The following ZNF460 variants were observed in gnomAD, a reference collection of about 807,000 sequenced individuals.
The protein encoded by ZNF460 is zinc finger protein 460.
ZNF460 carries 1 observed loss-of-function variant against 8.4 expected under a neutral mutation model. The observed-to-expected ratio is 0.12, with a 90% CI of 0.04 to 0.56. ZNF460 has a LOEUF of 0.56. Ranked by LOEUF, ZNF460 falls within the 20% of genes least tolerant of loss-of-function variation. The probability of loss-of-function intolerance (pLI) is 0.91; values close to 1 mark genes in which losing one functional copy is unlikely to be tolerated. For synonymous variants in ZNF460, 262 were observed against 259.9 expected, an observed-to-expected ratio of 1.01 and a Z score of -0.08; for missense variants, 477 against 714.8, an observed-to-expected ratio of 0.67 and a Z score of 3.79.
upstream of ZNF460, chr19:57,280,011 C>T (rs1462245275): frequency 6.6e-6 from 1 of 152,298 alleles, no homozygotes; most frequent in Admixed American, 6.5e-5. Context: ...GGCACACTGT[C>T]AGGCGTCCTC....
intron 1 of ZNF460, among the ~76,000 whole-genome samples, chr19:57,281,189 C>G (rs2087836301): frequency 6.6e-6 from 1 of 152,224 alleles, no homozygotes; most frequent in Non-Finnish European, 1.5e-5. Context: ...GAGCCACCAA[C>G]CTGACCGTGC....
intron 1 of ZNF460, among the ~76,000 whole-genome samples, chr19:57,281,204 C>G (rs193299285): frequency 6.6e-6 from 1 of 152,266 alleles, no homozygotes; most frequent in African/African-American, 2.4e-5. Flanking sequence ...CCGTGCAGTC[C>G]TCTTCCATTT....
chr19:57,290,830 G>A lies in ZNF460; in HGVS notation c.289G>A (p.Asp97Asn). Residue 97 changes from aspartate (D) to asparagine (N), a missense_variant, in exon 3 of 3, where the codon GAT becomes AAT. Physicochemically the swap from Asp to Asn is conservative, Grantham distance 23. Transcript: ENST00000360338. ...CTATTTGGGGCAGGCCATGGATCAAGATGGGCCATCTGAAATGCAGGAATA... is the reference window on the plus strand; with the variant it reads ...CTATTTGGGGCAGGCCATGGATCAAAATGGGCCATCTGAAATGCAGGAATA... ...YSYLGQAMDQDGPSEMQEYFL... is the reference protein window; with the variant it reads ...YSYLGQAMDQNGPSEMQEYFL... 1 of 1,614,176 alleles carries A rather than the reference G, an allele frequency of 6.2e-7. No individual in the cohort carries two copies. The highest frequency in any genetic ancestry group is 8.5e-7 in the Non-Finnish European group (1 of 1,180,042).
Position 57,292,005 on chromosome 19 carries a change from G to A in ZNF460, c.1464G>A (p.Arg488=), listed in dbSNP as rs748435081. 4.3e-6 allele frequency: 7 copies of A among 1,614,148 alleles called. No homozygotes were observed. In the South Asian group the frequency reaches 7.7e-5, roughly 18 times the overall value. ...AGTGCGGGAAGGCCTTCAACCGCAG[G>A]TCACCCCTCACAAGGCACCAGCGGA... The part of the protein sequence containing the change: ...CVECGKAFNR[R]SPLTRHQRIH... The change falls in exon 3 of 3, where the codon AGG becomes AGA. Residue 488 remains arginine (R), a synonymous_variant. Transcript: ENST00000360338.
chr19:57,290,031 T>C (rs1304545428), intron 2 of ZNF460, among the ~76,000 whole-genome samples: 3 of 151,880 alleles, frequency 2.0e-5, no homozygotes, highest in Admixed American at 1.3e-4. Flanking sequence ...TCCCAGCCAC[T>C]TGGGAGGCTG....
rs146815063 is a variant in ZNF460 at position 57,291,475 on chromosome 19, G to A, written c.934G>A (p.Glu312Lys). 67 of 1,613,934 alleles carry A rather than the reference G, an allele frequency of 4.2e-5. No homozygotes were observed. The highest frequency in any genetic ancestry group is 6.7e-5 in the Admixed American group (4 of 59,978). ...HNEKKPFACS[E>K]CGKGFYESTA... ...TGAGAAGAAACCCTTCGCATGCAGC[G>A]AATGTGGAAAAGGCTTTTATGAGAG... Residue 312 changes from glutamate to lysine, a missense_variant, in exon 3 of 3, where the codon GAA becomes AAA. Transcript: ENST00000360338. This position sits in a 1 kb window ranked among gnomAD's most constrained non-coding sequence, Gnocchi z 8.4.
intron 1 of ZNF460, among the ~76,000 whole-genome samples, chr19:57,281,100 G>GC (rs1222453388): frequency 6.6e-6 from 1 of 152,112 alleles, no homozygotes; most frequent in Non-Finnish European, 1.5e-5. Flanking sequence ...TCTGTTGCCT[G>GC]CCAGCCCGTA....
intron 1 of ZNF460, 119 bp from the exon 2 acceptor site, chr19:57,284,432 A>C (rs2087864705): frequency 1.6e-6 from 2 of 1,277,850 alleles, no homozygotes; most frequent in South Asian, 1.4e-5. Flanking sequence ...GGCCCTTTGG[A>C]GGTGCTTGGT....
At chr19:57,280,964 G>A in intron 1 of ZNF460, 128 bp downstream of exon 1, 1 of 1,367,398 alleles carries the variant, frequency 7.3e-7, no homozygotes, top group East Asian at 2.5e-5. Context: ...AAATGGCCGT[G>A]GCTTGTCATT....
chr19:57,292,467 A>G lies in ZNF460; in HGVS notation c.*237A>G. The G allele has an allele frequency of 2.1e-6, 1 of 483,846 alleles. No homozygotes were observed. The highest frequency in any genetic ancestry group is 3.7e-6 in the Non-Finnish European group (1 of 272,028). 30.0% of individuals were successfully genotyped at this position (483,846 alleles called of 1,614,324 possible). On this transcript the variant is annotated 3_prime_UTR_variant, in exon 3 of 3. Transcript: ENST00000360338. ...AGAAATTGACACAGCCAAGAGTCTT[A>G]TTCTACATCTGATAATTCACCCATG...
chr19:57,287,341 A>G (rs1027526555), intron 2 of ZNF460, among the ~76,000 whole-genome samples: 4 of 152,040 alleles, frequency 2.6e-5, no homozygotes, highest in African/African-American at 9.7e-5. Flanking sequence ...CAGGTTTTGG[A>G]TATGTTGCTG....
intron 2 of ZNF460, among the ~76,000 whole-genome samples, chr19:57,285,914 T>C (rs1223379001): frequency 2.0e-5 from 3 of 152,240 alleles, no homozygotes; most frequent in Non-Finnish European, 2.9e-5. Context: ...GACCAAGGTC[T>C]GATGCCTCAG....
rs1032065183 is a variant in ZNF460 at position 57,280,806 on chromosome 19, G to T, written c.-1G>T. 6.2e-7 allele frequency: 1 copy of T among 1,614,134 alleles called. No homozygotes were observed. The highest frequency in any genetic ancestry group is 8.5e-7 in the Non-Finnish European group (1 of 1,180,016). ...GTCGGCTGATCCGCGGCATTCCCGG[G>T]ATGGCGGCGGCGTGGATGGCTCCGG... On this transcript the variant is annotated 5_prime_UTR_variant, in exon 1 of 3. Transcript: ENST00000360338.
At position 57,280,657 on chromosome 19, in the gene ZNF460, C is replaced by A; in HGVS notation, c.-150C>A. ...CCGAGGCCTAGGCCTCCGCAGCCGC[C>A]CTCCGTCTCCTCAGCCCCGACGCTG... is the stretch of plus-strand genomic sequence containing the variant. On this transcript the variant is annotated 5_prime_UTR_variant, in exon 1 of 3. Transcript: ENST00000360338. 1 of 1,165,654 alleles carries A rather than the reference C, an allele frequency of 8.6e-7. No homozygotes were observed. The highest frequency in any genetic ancestry group is 1.2e-6 in the Non-Finnish European group (1 of 840,050). The allele number at this position is 1,165,654 out of a possible 1,614,324, so 72.2% of individuals were successfully genotyped here.
intron 1 of ZNF460, among the ~76,000 whole-genome samples, chr19:57,282,209 G>A (rs1319294444): frequency 2.0e-5 from 3 of 152,074 alleles, no homozygotes; most frequent in Non-Finnish European, 4.4e-5. Flanking sequence ...TTTTATATGT[G>A]GTTCCCCTTA....
chr19:57,284,425 C>G (rs915236687), intron 1 of ZNF460, 126 bp from the exon 2 acceptor site: 34 of 1,209,548 alleles, frequency 2.8e-5, no homozygotes, highest in Non-Finnish European at 3.8e-5. Context: ...AGATCTTGGC[C>G]CTTTGGAGGT....
chr19:57,287,154 G>A (rs899089740), intron 2 of ZNF460, among the ~76,000 whole-genome samples: 6 of 152,092 alleles, frequency 3.9e-5, no homozygotes, highest in Non-Finnish European at 5.9e-5. Flanking sequence ...TTGTTGAACT[G>A]CACAGTGTGC....
chr19:57,290,791 G>A lies in ZNF460; in HGVS notation c.250G>A (p.Val84Ile). The A allele has an allele frequency of 6.2e-7, 1 of 1,614,200 alleles. No homozygotes were observed. Among genetic ancestry groups the A allele is most frequent in the Non-Finnish European group, 8.5e-7 (1 of 1,180,044 alleles). ...ACTCCAGGAACAGCTGGCACAGGGA[G>A]TCCCAAGATACTCCTATTTGGGGCA... is the stretch of plus-strand genomic sequence containing the variant. ...VSLQEQLAQGVPRYSYLGQAM... is the reference protein window; with the variant it reads ...VSLQEQLAQGIPRYSYLGQAM... The change falls in exon 3 of 3, where the codon GTC becomes ATC. Residue 84 changes from valine to isoleucine, a missense_variant. This residue lies in a region of ZNF460 where 169 missense variants were observed against 178.6 expected (regional missense o/e 0.95). Transcript: ENST00000360338.
At chr19:57,288,522 C>A (rs1276636653) in intron 2 of ZNF460, among the ~76,000 whole-genome samples, 1 of 152,186 alleles carries the variant, frequency 6.6e-6, no homozygotes, top group Non-Finnish European at 1.5e-5. Flanking sequence ...ACCCTCATCA[C>A]AGCCTATGAA....
Sources: gnomAD v4.1 joint callset for allele counts (sites outside exome capture counted in the v4.1 genomes callset) on GRCh38, gnomAD v4.1.1 for gene constraint, gnomAD v4.1.1 regional missense constraint, Gnocchi (gnomAD v3.1) non-coding constraint, MANE v1.5 for transcripts, NCBI Gene and HGNC (gene_info 2026-07-23, HGNC 2026-07-21) for gene names.